The following CIZ1 variants were observed in gnomAD, a reference collection of about 807,000 sequenced individuals.
The protein encoded by CIZ1 is CDKN1A interacting zinc finger protein 1, also known as cip1-interacting zinc finger protein.
CIZ1 carries 58 observed loss-of-function variants against 118.6 expected under a neutral mutation model. The ratio of observed to expected loss-of-function variants is 0.49; its 90% CI spans 0.40 to 0.61. The LOEUF (loss-of-function observed/expected upper bound fraction) is 0.61, where lower values mean the gene tolerates loss of function less well. Among genes scored for constraint, CIZ1 ranks in the 20% least tolerant of loss-of-function variants. The pLI is 0.00. For missense variants in CIZ1, 921 were observed against 1,115.9 expected (o/e 0.83, Z 2.49); for synonymous variants, 448 against 443.4 (o/e 1.01, Z -0.13).
At chr9:128,194,172 G>A (rs1038204741), upstream of CIZ1, among the ~76,000 whole-genome samples, 2 of 151,920 alleles carry the variant, frequency 1.3e-5, no homozygotes, top group African/African-American at 4.8e-5. Flanking sequence ...GACCAGCCTG[G>A]CCAACATGGT....
rs778834878 is a variant in CIZ1, at chr9:128,177,811, T to C, written c.1621-48A>G. Reference sequence around the variant, plus strand: ...ACTTCCATCAACTGTGTACTTATAGTGGGCCAGCCCAGCATTCAACATCTG... The same window carrying C: ...ACTTCCATCAACTGTGTACTTATAGCGGGCCAGCCCAGCATTCAACATCTG... On this transcript the variant is annotated intron_variant, in intron 9 of 16. Transcript: ENST00000372938. The C allele has an allele frequency of 2.3e-4, 305 of 1,338,226 alleles. 1 individual carries two copies. Among genetic ancestry groups the C allele is most frequent in the Middle Eastern group, 5.6e-4 (3 of 5,376 alleles). The allele number at this position is 1,338,226 out of a possible 1,614,324, so 82.9% of individuals were successfully genotyped here. A position where few individuals can be genotyped will look rare whatever the true frequency, so the allele number is the denominator to read the frequency against.
upstream of CIZ1, among the ~76,000 whole-genome samples, chr9:128,194,974 C>G (rs562033921): frequency 6.6e-6 from 1 of 152,138 alleles, no homozygotes; most frequent in East Asian, 1.9e-4. Context: ...CATGCCACCA[C>G]GCCCAGCAAA....
intron 1 of CIZ1, among the ~76,000 whole-genome samples, chr9:128,199,260 C>T (rs1833451976): frequency 6.6e-6 from 1 of 151,844 alleles, no homozygotes; most frequent in Non-Finnish European, 1.5e-5. Context: ...CCCAGCTACT[C>T]AGGAGGCTGA....
At chr9:128,198,377 A>G (rs926008711) in intron 1 of CIZ1, 3 of 152,212 alleles carry the variant, frequency 2.0e-5, no homozygotes, top group African/African-American at 7.2e-5. Context: ...CCTGTGGGAA[A>G]AATGAATGAA....
chr9:128,179,310 C>T lies in CIZ1; in HGVS notation c.897G>A (p.Leu299=). ...GCACTTGGGCTTCCAGGGCCTCAGG[C>T]AGCAGGTCTGGTGTCTGTGTCTGTT... ...VPKQTQTPDL[L]PEALEAQVLP... The change falls in exon 8 of 17, where the codon CTG becomes CTA. Residue 299 remains leucine (L), a synonymous_variant. Transcript: ENST00000372938. 1 of 1,614,134 alleles carries T rather than the reference C, an allele frequency of 6.2e-7. No homozygotes were observed. The highest frequency in any genetic ancestry group is 2.2e-5 in the East Asian group (1 of 44,880).
intron 3 of CIZ1, 115 bp from the exon 4 acceptor site, chr9:128,188,049 C>CAAAAAAAAAAA (rs34003070): frequency 0.016 from 347 of 22,078 alleles, 7 homozygotes; most frequent in Non-Finnish European, 0.025. Flanking sequence ...CTTAAAACAG[C>CAAAAAAAAAAA]AAAAAAAAAA....
At chr9:128,186,840 G>A (rs1032147578) in intron 4 of CIZ1, among the ~76,000 whole-genome samples, 1 of 151,832 alleles carries the variant, frequency 6.6e-6, no homozygotes, top group Non-Finnish European at 1.5e-5. Flanking sequence ...CTCCCTATAG[G>A]TATCTCTCCT....
chr9:128,171,810 G>C (rs562106064), intron 11 of CIZ1, among the ~76,000 whole-genome samples: 2 of 151,746 alleles, frequency 1.3e-5, no homozygotes, highest in South Asian at 4.2e-4. Flanking sequence ...TCTTGGGTTG[G>C]GAAAGATCAT....
chr9:128,188,091 T>TAAAAAAA (rs1564294678), intron 3 of CIZ1, among the ~76,000 whole-genome samples, 157 bp from the exon 4 acceptor site: 1 of 26,890 alleles, frequency 3.7e-5, no homozygotes, highest in Non-Finnish European at 8.8e-5. Flanking sequence ...AACAAAAAAT[T>TAAAAAAA]AAAAAAAGCA....
Position 128,203,375 on chromosome 9 carries a change from A to C in CIZ1, c.-6+811T>G. On this transcript the variant is annotated intron_variant, in intron 1 of 17. Transcript: ENST00000372948. The surrounding 1 kb of genome is among the most constrained non-coding windows in gnomAD (Gnocchi z 5.3). ...CCGAGGGGCGGGGGCCCCGCGGCGC[A>C]GGCAGTCTGGGCGCGCGGCTGCAGC... 8.4e-7 allele frequency: 1 copy of C among 1,194,592 alleles called. No homozygotes were observed. The highest frequency in any genetic ancestry group is 1.1e-6 in the Non-Finnish European group (1 of 943,870). The allele number at this position is 1,194,592 out of a possible 1,614,324, so 74.0% of individuals were successfully genotyped here. A position where few individuals can be genotyped will look rare whatever the true frequency, so the allele number is the denominator to read the frequency against.
At chr9:128,202,210 G>A (rs1321672816) in intron 1 of CIZ1, among the ~76,000 whole-genome samples, 1 of 152,156 alleles carries the variant, frequency 6.6e-6, no homozygotes, top group Admixed American at 6.6e-5. Flanking sequence ...TGTCAGCAGT[G>A]CCCCCACACT....
At chr9:128,202,021 C>T (rs141637357) in intron 1 of CIZ1, among the ~76,000 whole-genome samples, 2 of 152,202 alleles carry the variant, frequency 1.3e-5, no homozygotes, top group Non-Finnish European at 2.9e-5. Context: ...ACAGGGCCAT[C>T]GTTATTGCCC....
rs149452488 is a variant in CIZ1 at position 128,180,741 on chromosome 9, G to A, written c.662C>T (p.Pro221Leu). The part of the protein sequence containing the change: ...PPEGSEEAAE[P>L]RMDTPEDQDL... ...CTCACCTTCTGGTGTGTCCATCCGGGGCTCTGCGGCTTCCTCAGACCCCTC... is the reference window on the plus strand; with the variant it reads ...CTCACCTTCTGGTGTGTCCATCCGGAGCTCTGCGGCTTCCTCAGACCCCTC... The change falls in exon 6 of 17, where the codon CCC becomes CTC. Residue 221 changes from proline (P) to leucine (L), a missense_variant. Pro to Leu is a moderately conservative substitution (Grantham distance 98). Transcript: ENST00000372938. 21 of 1,609,230 alleles carry A rather than the reference G, an allele frequency of 1.3e-5. No homozygotes were observed. Among genetic ancestry groups the A allele is most frequent in the Non-Finnish European group, 1.4e-5 (17 of 1,178,506 alleles).
chr9:128,181,455 A>G (rs1831601473), intron 5 of CIZ1, among the ~76,000 whole-genome samples: 1 of 152,270 alleles, frequency 6.6e-6, no homozygotes, highest in Admixed American at 6.5e-5. Context: ...ATGATTATAT[A>G]TGAGTATCAT....
chr9:128,203,783 T>G lies in CIZ1; in HGVS notation c.-6+403A>C. 1.7e-6 allele frequency: 1 copy of G among 580,980 alleles called. No homozygotes were observed. The highest frequency in any genetic ancestry group is 2.3e-6 in the Non-Finnish European group (1 of 436,708). 36.0% of individuals were successfully genotyped at this position (580,980 alleles called of 1,614,324 possible). ...ACCCCCAGCCGGAGCGAGGAGGCCC[T>G]CCCCCCACCACGAGAGCCCCTCGGG... On this transcript the variant is annotated intron_variant, in intron 1 of 17. Coordinates refer to the CIZ1 transcript ENST00000372948. The surrounding 1 kb of genome is among the most constrained non-coding windows in gnomAD (Gnocchi z 5.3).
chr9:128,203,742 G>A lies in CIZ1; in HGVS notation c.-6+444C>T. ...TCGCAGCCCCCGACGCTGCACCCGC[G>A]GCCGGCGCGCCCCCCACCCCCAGCC... is the stretch of plus-strand genomic sequence containing the variant. On this transcript the variant is annotated intron_variant, in intron 1 of 17. Transcript: ENST00000372948. This position sits in a 1 kb window ranked among gnomAD's most constrained non-coding sequence, Gnocchi z 5.3. 9.4e-7 allele frequency: 1 copy of A among 1,063,746 alleles called. No individual in the cohort carries two copies. Among genetic ancestry groups the A allele is most frequent in the Non-Finnish European group, 1.2e-6 (1 of 835,848 alleles). 65.9% of individuals were successfully genotyped at this position (1,063,746 alleles called of 1,614,324 possible).
chr9:128,188,456 C>A (rs1441064514), intron 3 of CIZ1, among the ~76,000 whole-genome samples: 1 of 151,838 alleles, frequency 6.6e-6, no homozygotes, highest in Non-Finnish European at 1.5e-5. Flanking sequence ...ACCTTTTTTT[C>A]CACTTTAAAG....
At chr9:128,169,608 C>T in intron 12 of CIZ1, 89 bp from the exon 13 acceptor site, 1 of 1,567,774 alleles carries the variant, frequency 6.4e-7, no homozygotes, top group Non-Finnish European at 8.6e-7. Context: ...GCTCACCTCC[C>T]CCGGGCAGGC....
At chr9:128,167,716 C>T (rs1232277846) in intron 14 of CIZ1, 1 of 154,966 alleles carries the variant, frequency 6.5e-6, no homozygotes, top group Non-Finnish European at 1.5e-5. Context: ...TGCATTTCAC[C>T]TGCTGGATGT....
Sources: gnomAD v4.1 joint callset for allele counts (sites outside exome capture counted in the v4.1 genomes callset) on GRCh38, gnomAD v4.1.1 for gene constraint, Gnocchi (gnomAD v3.1) non-coding constraint, MANE v1.5 for transcripts, NCBI Gene and HGNC (gene_info 2026-07-23, HGNC 2026-07-21) for gene names.